CDH12: variants seen among roughly 807,000 people sequenced by gnomAD.
CDH12 encodes the protein cadherin-12.
A neutral mutation model predicts 74.1 loss-of-function variants in CDH12; 41 were observed. That is an observed-to-expected ratio of 0.55 (90% CI 0.43 to 0.72). The LOEUF (loss-of-function observed/expected upper bound fraction) is 0.72. Ranked by LOEUF, CDH12 falls within the 30% of genes least tolerant of loss-of-function variation. CDH12 has a pLI of 0.00. For synonymous variants in CDH12, 399 were observed against 355.0 expected, an observed-to-expected ratio of 1.12 and a Z score of -1.39; for missense variants, 945 against 977.2, an observed-to-expected ratio of 0.97 and a Z score of 0.44.
chr5:22,374,530 C>T, intron 3 of CDH12, among the ~76,000 whole-genome samples: 1 of 152,072 alleles, frequency 6.6e-6, no homozygotes, highest in East Asian at 1.9e-4. Flanking sequence ...TTCATCCTTG[C>T]TGGTGATATA....
At position 22,422,272 on chromosome 5, in the gene CDH12, A is replaced by C. The variant is rs1743684822; in HGVS notation, c.-427-16921T>G. ...TTTGAGGTAGGTTCCATTAATACCT[A>C]GTTTAATGAGAGTCTTTCACCTGAA... On this transcript the variant is annotated intron_variant, in intron 2 of 14. Coordinates refer to ENST00000382254, the MANE Select transcript of CDH12 (RefSeq NM_004061.5). Among the ~76,000 whole-genome samples, 8 of 152,180 alleles carry C rather than the reference A, an allele frequency of 5.3e-5. No homozygotes were observed. In the South Asian group the frequency reaches 1.7e-3, roughly 32 times the overall value.
intron 2 of CDH12, among the ~76,000 whole-genome samples, chr5:22,420,736 A>G (rs1293738497): frequency 1.3e-5 from 2 of 152,238 alleles, no homozygotes; most frequent in African/African-American, 4.8e-5. Context: ...AAGAATGTCA[A>G]TGGTAGTTTA....
chr5:22,475,078 T>C (rs974388358), intron 2 of CDH12, among the ~76,000 whole-genome samples: 5 of 150,268 alleles, frequency 3.3e-5, no homozygotes, highest in African/African-American at 1.2e-4. Context: ...AGGCACTTTG[T>C]CTTGAATTCT....
intron 1 of CDH12, among the ~76,000 whole-genome samples, chr5:22,845,636 C>A (rs1306078127): frequency 6.6e-6 from 1 of 152,098 alleles, no homozygotes; most frequent in Admixed American, 6.6e-5. Context: ...GAAAGTGCTA[C>A]TTTCAGACAA....
At chr5:21,889,580 T>C (rs914065271) in intron 6 of CDH12, 2 of 985,180 alleles carry the variant, frequency 2.0e-6, no homozygotes, top group Non-Finnish European at 2.4e-6. Flanking sequence ...AACAAAATAT[T>C]TTACCTAAAG....
At chr5:22,712,262 G>T (rs907986020) in intron 1 of CDH12, among the ~76,000 whole-genome samples, 1 of 151,954 alleles carries the variant, frequency 6.6e-6, no homozygotes, top group Non-Finnish European at 1.5e-5. Flanking sequence ...TTTTAAATAT[G>T]CTTTGACATA....
chr5:22,617,018 C>A (rs938873593), intron 1 of CDH12, among the ~76,000 whole-genome samples: 1 of 151,966 alleles, frequency 6.6e-6, no homozygotes, highest in Non-Finnish European at 1.5e-5. Flanking sequence ...GTGTGTGCCA[C>A]CACAGACAGC....
At chr5:21,876,610 G>A (rs146935527) in intron 6 of CDH12, among the ~76,000 whole-genome samples, 1 of 152,216 alleles carries the variant, frequency 6.6e-6, no homozygotes, top group East Asian at 1.9e-4. Flanking sequence ...TATTTGAAAT[G>A]TTTACTATTT....
chr5:22,074,401 G>C (rs1401227521), intron 5 of CDH12, among the ~76,000 whole-genome samples: 2 of 152,076 alleles, frequency 1.3e-5, no homozygotes, highest in Admixed American at 1.3e-4. Context: ...ACATAGGCAT[G>C]GGCAAGGACT....
intron 6 of CDH12, among the ~76,000 whole-genome samples, 169 bp from the exon 7 acceptor site, chr5:21,854,959 A>C (rs890186850): frequency 1.3e-5 from 2 of 151,912 alleles, no homozygotes; most frequent in Middle Eastern, 6.8e-3. Flanking sequence ...AATGTTGAGC[A>C]ATGATATAGT....
At chr5:21,841,249 A>G (rs1005300331) in intron 8 of CDH12, among the ~76,000 whole-genome samples, 5 of 151,180 alleles carry the variant, frequency 3.3e-5, no homozygotes, top group African/African-American at 4.8e-5. Context: ...CAAAAAACAC[A>G]TGAAAAAATG....
In CDH12 at chr5:22,256,658, C is replaced by A. The variant is rs1753328480; in HGVS notation, c.-332-44015G>T. Among the ~76,000 whole-genome samples the A allele has an allele frequency of 2.0e-5, 3 of 152,062 alleles. No individual in the cohort carries two copies. The South Asian group carries it at 6.2e-4, about 32-fold the overall frequency. On this transcript the variant is annotated intron_variant, in intron 3 of 14. Transcript: ENST00000382254. ...ATGCCAGCTCCATGACTATTACTAG[C>A]CTTAAAGACCTTCCAGTGGGACAAG...
intron 3 of CDH12, among the ~76,000 whole-genome samples, chr5:22,258,289 C>A (rs934144431): frequency 2.0e-5 from 3 of 152,020 alleles, no homozygotes; most frequent in Non-Finnish European, 4.4e-5. Context: ...CAGGCCCGTG[C>A]CCATCCTATA....
intron 12 of CDH12, among the ~76,000 whole-genome samples, chr5:21,763,420 T>A (rs1744836521): frequency 6.6e-6 from 1 of 152,218 alleles, no homozygotes; most frequent in Admixed American, 6.5e-5. Context: ...ACAAAGGTTC[T>A]ACTAAGTGAT....
intron 6 of CDH12, among the ~76,000 whole-genome samples, chr5:21,915,182 G>A (rs897494383): frequency 5.9e-5 from 9 of 152,224 alleles, no homozygotes; most frequent in East Asian, 1.9e-4. Flanking sequence ...GTATAATTCC[G>A]ATCTTATTAT....
Position 21,975,093 on chromosome 5 carries a change from A to G in CDH12, c.524T>C (p.Val175Ala). 1 of 1,592,206 alleles carries G rather than the reference A, an allele frequency of 6.3e-7. No homozygotes were observed. The highest frequency in any genetic ancestry group is 8.5e-7 in the Non-Finnish European group (1 of 1,176,848). Residue 175 changes from valine to alanine, a missense_variant and splice_region_variant, in exon 6 of 15, where the codon GTG becomes GCG. Around this residue, in one of 3 missense-constraint regions of CDH12, gnomAD observed 791 missense variants for 792.8 expected, o/e 1.00. Coordinates refer to ENST00000382254, the MANE Select transcript of CDH12 (RefSeq NM_004061.5). ...AGAATTTTGATTTGCCTACTCACCC[A>G]CAGGAGACATTTCTGGAACAGTAGC... ...YVATVPEMSP[V>A]GAYVLQVKAT...
chr5:22,507,750 C>G (rs1736443368), intron 1 of CDH12, among the ~76,000 whole-genome samples: 1 of 152,134 alleles, frequency 6.6e-6, no homozygotes, highest in Non-Finnish European at 1.5e-5. Flanking sequence ...AATGTAGTAG[C>G]TTAAAGCAAC....
At position 21,911,569 on chromosome 5, in the gene CDH12, A is replaced by C. The variant is rs537554275; in HGVS notation, c.527-56779T>G. On this transcript the variant is annotated intron_variant, in intron 6 of 14. Transcript: ENST00000382254. ...ATTAAACATGATTAAAGTCATATAT[A>C]GCTTATATTCTCTGTGAGTTTCCTT... Among the ~76,000 whole-genome samples, 29 of 152,226 alleles carry C rather than the reference A, an allele frequency of 1.9e-4. 1 individual carries two copies. The East Asian group carries it at 4.4e-3, about 23-fold the overall frequency.
At chr5:22,216,953 CT>C (rs1268970903) in intron 3 of CDH12, among the ~76,000 whole-genome samples, 2 of 151,726 alleles carry the variant, frequency 1.3e-5, no homozygotes, top group African/African-American at 4.8e-5. Flanking sequence ...GAAAATGCAT[CT>C]ATTTGCCTAA....
Sources: allele counts gnomAD v4.1 joint callset (sites outside exome capture counted in the v4.1 genomes callset), GRCh38; gene constraint gnomAD v4.1.1; regional missense constraint gnomAD v4.1.1; transcripts MANE v1.5; gene names NCBI Gene and HGNC (gene_info 2026-07-23, HGNC 2026-07-21).